THSD7A: variants seen among roughly 807,000 people sequenced by gnomAD.
The protein encoded by THSD7A is thrombospondin type-1 domain-containing protein 7A.
In THSD7A, 96 loss-of-function variants were observed where a neutral mutation model predicts 231.3. The ratio of observed to expected loss-of-function variants is 0.41; its 90% CI spans 0.35 to 0.49. THSD7A has a LOEUF of 0.49. Among genes scored for constraint, THSD7A ranks in the 20% least tolerant of loss-of-function variants. THSD7A has a pLI of 0.05. For missense variants in THSD7A, 2,290 were observed against 2,070.2 expected, an observed-to-expected ratio of 1.11 and a Z score of -2.06; for synonymous variants, 940 against 743.3, an observed-to-expected ratio of 1.26 and a Z score of -4.30.
At chr7:11,457,550 A>G (rs2128297239) in intron 11 of THSD7A, among the ~76,000 whole-genome samples, 1 of 152,240 alleles carries the variant, frequency 6.6e-6, no homozygotes, top group Non-Finnish European at 1.5e-5. Context: ...ACTAGCTGGC[A>G]TTCAGGCCCA....
intron 1 of THSD7A, among the ~76,000 whole-genome samples, chr7:11,804,473 C>T (rs1446478225): frequency 3.3e-5 from 5 of 152,180 alleles, no homozygotes; most frequent in East Asian, 3.9e-4. Flanking sequence ...TACAAATAGA[C>T]GTTAAAAAAT....
chr7:11,412,191 C>G (rs531187492), intron 18 of THSD7A, among the ~76,000 whole-genome samples: 2 of 152,238 alleles, frequency 1.3e-5, no homozygotes, highest in South Asian at 4.1e-4. Flanking sequence ...TTTACCTGCA[C>G]CTTTTATAGC....
intron 1 of THSD7A, among the ~76,000 whole-genome samples, chr7:11,655,951 C>T (rs1049232300): frequency 2.0e-5 from 3 of 151,856 alleles, no homozygotes; most frequent in African/African-American, 4.8e-5. Context: ...TTCAACAAAT[C>T]CTATCCAGAG....
chr7:11,571,133 G>A lies in THSD7A; in HGVS notation c.1453+19327C>T, dbSNP rs150903668. ...GTTGGTCAGGACTGGTATTACATTA[G>A]CTGGCACCAAACAGATATGGGAAGG... is the stretch of plus-strand genomic sequence containing the variant. On this transcript the variant is annotated intron_variant, in intron 4 of 27. Transcript: ENST00000423059. Among the ~76,000 whole-genome samples the A allele has an allele frequency of 2.4e-3, 368 of 152,214 alleles. 1 individual carries two copies. Among genetic ancestry groups the A allele is most frequent in the African/African-American group, 8.5e-3 (353 of 41,528 alleles).
intron 1 of THSD7A, among the ~76,000 whole-genome samples, chr7:11,803,276 A>G (rs1378782931): frequency 6.6e-6 from 1 of 152,148 alleles, no homozygotes; most frequent in Non-Finnish European, 1.5e-5. Context: ...CTTTTGATCA[A>G]TATTTTATAG....
chr7:11,688,271 GTA>G (rs1348875774), intron 1 of THSD7A, among the ~76,000 whole-genome samples: 3 of 151,796 alleles, frequency 2.0e-5, no homozygotes, highest in Non-Finnish European at 2.9e-5. Context: ...ATTCCATGGT[GTA>G]TATATGTGCC....
chr7:11,644,390 C>T (rs1485514197), intron 1 of THSD7A, among the ~76,000 whole-genome samples: 5 of 151,778 alleles, frequency 3.3e-5, no homozygotes, highest in Non-Finnish European at 4.4e-5. Flanking sequence ...TTTGAATATA[C>T]AAAAATAAAT....
At chr7:11,825,927 G>A (rs1166560966) in intron 1 of THSD7A, among the ~76,000 whole-genome samples, 3 of 152,114 alleles carry the variant, frequency 2.0e-5, no homozygotes, top group Admixed American at 6.6e-5. Context: ...TTGGGATAAT[G>A]CCACCTCATT....
chr7:11,806,021 A>T (rs1234278082), intron 1 of THSD7A, among the ~76,000 whole-genome samples: 1 of 152,166 alleles, frequency 6.6e-6, no homozygotes, highest in African/African-American at 2.4e-5. Flanking sequence ...TTTGACCTTC[A>T]TTAACAAAAG....
At chr7:11,677,345 A>G (rs1370694259) in intron 1 of THSD7A, among the ~76,000 whole-genome samples, 1 of 152,062 alleles carries the variant, frequency 6.6e-6, no homozygotes, top group African/African-American at 2.4e-5. Flanking sequence ...AAAACTATGA[A>G]GAAACTGCAT....
At chr7:11,562,818 G>C (rs998403242) in intron 4 of THSD7A, among the ~76,000 whole-genome samples, 2 of 152,094 alleles carry the variant, frequency 1.3e-5, no homozygotes, top group African/African-American at 4.8e-5. Context: ...ATGCCAAAGG[G>C]TGTTTTGGTG....
intron 6 of THSD7A, among the ~76,000 whole-genome samples, chr7:11,502,286 A>G (rs1256572202): frequency 6.6e-6 from 1 of 152,200 alleles, no homozygotes; most frequent in Non-Finnish European, 1.5e-5. Flanking sequence ...AACTCATTCT[A>G]TGAGGCCAGC....
At chr7:11,741,746 C>G (rs1275832835) in intron 1 of THSD7A, among the ~76,000 whole-genome samples, 4 of 151,796 alleles carry the variant, frequency 2.6e-5, no homozygotes, top group Non-Finnish European at 5.9e-5. Flanking sequence ...ATGTTGATGA[C>G]CTAAACAAAG....
chr7:11,566,024 A>G (rs1004201688), intron 4 of THSD7A, among the ~76,000 whole-genome samples: 29 of 149,564 alleles, frequency 1.9e-4, no homozygotes, highest in Admixed American at 8.2e-4. Context: ...CGCAAGACAC[A>G]TGATATCTAT....
rs1349477663 is a variant in THSD7A, at chr7:11,636,850, T to G, written c.302A>C (p.Gln101Pro). The change falls in exon 2 of 28, where the codon CAG becomes CCG. Residue 101 changes from glutamine (Q) to proline (P), a missense_variant. Coordinates refer to ENST00000423059, the MANE Select transcript of THSD7A (RefSeq NM_015204.3). The surrounding 1 kb of genome is among the most constrained non-coding windows in gnomAD (Gnocchi z 10.0). ...GWTTLHTNCK[Q>P]AERPNNQQNC... ...CTGCTGGTTATTGGGTCTCTCGGCCTGCTTACAGTTAGTATGCAGTGTAGT... is the reference window on the plus strand; with the variant it reads ...CTGCTGGTTATTGGGTCTCTCGGCCGGCTTACAGTTAGTATGCAGTGTAGT... 1 of 1,613,982 alleles carries G rather than the reference T, an allele frequency of 6.2e-7. No homozygotes were observed.
At chr7:11,830,106 A>G (rs1785150869) in intron 1 of THSD7A, among the ~76,000 whole-genome samples, 1 of 152,214 alleles carries the variant, frequency 6.6e-6, no homozygotes, top group African/African-American at 2.4e-5. Context: ...TGGCACTGGA[A>G]TCAAGGTCTC....
At chr7:11,501,058 T>C (rs1194857137) in intron 6 of THSD7A, among the ~76,000 whole-genome samples, 1 of 150,686 alleles carries the variant, frequency 6.6e-6, no homozygotes, top group African/African-American at 2.4e-5. Flanking sequence ...GGTAAAGGTT[T>C]CAATTCAATG....
rs550568606 is a variant in THSD7A, at chr7:11,512,183, A to G, written c.1822+29236T>C. 5.3e-5 allele frequency among the ~76,000 whole-genome samples: 8 copies of G among 152,330 alleles called. No homozygotes were observed. In the South Asian group the frequency reaches 1.7e-3, roughly 32 times the overall value. ...TATGTAGCCAAAAGACACAGAAAAA[A>G]ATGCTCATCATCACTGGCCATCAGA... On this transcript the variant is annotated intron_variant, in intron 6 of 27. Coordinates refer to ENST00000423059, the MANE Select transcript of THSD7A (RefSeq NM_015204.3).
intron 1 of THSD7A, among the ~76,000 whole-genome samples, chr7:11,830,214 T>C (rs997426467): frequency 1.3e-5 from 2 of 152,214 alleles, no homozygotes; most frequent in African/African-American, 4.8e-5. Flanking sequence ...ACACCTCAGA[T>C]GCTGTACAGT....
Sources: allele counts gnomAD v4.1 joint callset (sites outside exome capture counted in the v4.1 genomes callset), GRCh38; gene constraint gnomAD v4.1.1; non-coding constraint Gnocchi (gnomAD v3.1); transcripts MANE v1.5; gene names NCBI Gene and HGNC (gene_info 2026-07-23, HGNC 2026-07-21).